Variants in THSD7B observed in about 807,000 individuals in gnomAD.
THSD7B encodes the protein thrombospondin type-1 domain-containing protein 7B.
THSD7B carries 138 observed loss-of-function variants against 213.6 expected under a neutral mutation model. The ratio of observed to expected loss-of-function variants is 0.65; its 90% CI spans 0.56 to 0.74. THSD7B has a LOEUF of 0.74. Ranked by LOEUF, THSD7B falls within the 30% of genes least tolerant of loss-of-function variation. The pLI, the probability that THSD7B is intolerant of heterozygous loss-of-function variation, is 0.00. For missense variants in THSD7B, 1,931 were observed against 1,991.5 expected (o/e 0.97, Z 0.58); for synonymous variants, 742 against 687.0 (o/e 1.08, Z -1.25).
At chr2:137,504,961 C>G (rs1679801127) in intron 15 of THSD7B, among the ~76,000 whole-genome samples, 1 of 148,058 alleles carries the variant, frequency 6.8e-6, no homozygotes. Context: ...CTGAAGGAGA[C>G]AAGGAAGGGA....
At chr2:136,766,345 C>A (rs1681390848) in intron 1 of THSD7B, among the ~76,000 whole-genome samples, 2 of 151,876 alleles carry the variant, frequency 1.3e-5, no homozygotes, top group Non-Finnish European at 2.9e-5. Flanking sequence ...GCAAGCTGGG[C>A]TCGGACGTGA....
At chr2:137,176,510 C>T (rs1680359789) in intron 7 of THSD7B, among the ~76,000 whole-genome samples, 1 of 152,150 alleles carries the variant, frequency 6.6e-6, no homozygotes, top group Non-Finnish European at 1.5e-5. Flanking sequence ...CATGGACATG[C>T]ATTTGTATTA....
At chr2:137,283,537 G>C (rs143193417) in intron 12 of THSD7B, among the ~76,000 whole-genome samples, 15,588 of 152,184 alleles carry the variant, frequency 0.1, 1,304 homozygotes, top group East Asian at 0.43. Flanking sequence ...CTGTGGGTTT[G>C]TCATAGATAG....
chr2:136,840,025 AATAG>A (rs1403250859), intron 1 of THSD7B, among the ~76,000 whole-genome samples: 1 of 152,160 alleles, frequency 6.6e-6, no homozygotes, highest in Non-Finnish European at 1.5e-5. Context: ...TAGTAAAGGA[AATAG>A]ATAGAAAAAT....
At chr2:137,029,298 C>T (rs1390753851) in intron 2 of THSD7B, among the ~76,000 whole-genome samples, 10 of 151,930 alleles carry the variant, frequency 6.6e-5, no homozygotes, top group Admixed American at 5.2e-4. Context: ...AGGCTGGTCT[C>T]GAACTCCTGA....
At position 137,095,092 on chromosome 2, in the gene THSD7B, T is replaced by C. The variant is rs750209869; in HGVS notation, c.1170T>C (p.Val390=). 4.3e-6 allele frequency: 7 copies of C among 1,613,874 alleles called. No homozygotes were observed. In the East Asian group the frequency reaches 1.6e-4, roughly 36 times the overall value. Reference sequence around the variant, plus strand: ...TTCTTGAGAAAGAGGCCTGCATTGTTGAAGGAGAACTTCTGCAGCAATGTC... The same window carrying C: ...TTCTTGAGAAAGAGGCCTGCATTGTCGAAGGAGAACTTCTGCAGCAATGTC... ...PELLEKEACI[V]EGELLQQCPR... Residue 390 remains valine, a synonymous_variant, in exon 4 of 28, where the codon GTT becomes GTC. Coordinates refer to ENST00000409968, the MANE Select transcript of THSD7B (RefSeq NM_001316349.2).
chr2:137,360,322 G>T (rs932073139), intron 12 of THSD7B, among the ~76,000 whole-genome samples: 10 of 152,080 alleles, frequency 6.6e-5, no homozygotes, highest in African/African-American at 2.4e-4. Context: ...GGGGATTTCT[G>T]CATTTCCAAC....
intron 15 of THSD7B, among the ~76,000 whole-genome samples, chr2:137,504,840 T>C (rs1194138379): frequency 6.6e-6 from 1 of 152,106 alleles, no homozygotes; most frequent in Non-Finnish European, 1.5e-5. Flanking sequence ...GGCTGTCCAA[T>C]AGGCAGACTC....
At chr2:137,634,894 G>A (rs1682805556) in intron 20 of THSD7B, among the ~76,000 whole-genome samples, 2 of 152,242 alleles carry the variant, frequency 1.3e-5, no homozygotes, top group Non-Finnish European at 2.9e-5. Flanking sequence ...CTTTAAACCT[G>A]TATGCAGGCA....
Position 137,663,448 on chromosome 2 carries a change from C to T in THSD7B, c.4524C>T (p.Tyr1508=). The T allele has an allele frequency of 6.3e-7, 1 of 1,595,856 alleles. No homozygotes were observed. The highest frequency in any genetic ancestry group is 8.5e-7 in the Non-Finnish European group (1 of 1,170,120). The part of the protein sequence containing the change: ...EIMKSNGFLD[Y]CMKVPGSEDK... ...TGAAATCAAATGGTTTCCTGGATTA[C>T]TGCATGAAAGTACCAGGCTCAGAGG... Residue 1508 remains tyrosine, a synonymous_variant, in exon 26 of 28, where the codon TAC becomes TAT. Transcript: ENST00000409968.
intron 17 of THSD7B, among the ~76,000 whole-genome samples, chr2:137,573,962 T>C (rs1186155718): frequency 2.0e-5 from 3 of 152,156 alleles, no homozygotes; most frequent in African/African-American, 7.2e-5. Context: ...GCTGTTTTAG[T>C]TATCTGTGTG....
intron 12 of THSD7B, among the ~76,000 whole-genome samples, chr2:137,316,308 C>T (rs1362569993): frequency 6.6e-6 from 1 of 152,170 alleles, no homozygotes; most frequent in Non-Finnish European, 1.5e-5. Context: ...TGCCACAGTC[C>T]TCATTTTGTG....
chr2:136,967,124 A>G (rs900687602), intron 2 of THSD7B, among the ~76,000 whole-genome samples: 4 of 152,176 alleles, frequency 2.6e-5, no homozygotes, highest in Admixed American at 2.0e-4. Context: ...GGTGGGAGGT[A>G]CTGAAAAAAG....
chr2:137,486,523 G>T (rs1349413140), intron 15 of THSD7B, among the ~76,000 whole-genome samples: 1 of 150,616 alleles, frequency 6.6e-6, no homozygotes, highest in Non-Finnish European at 1.5e-5. Flanking sequence ...AAGAGACTTA[G>T]ACTCCCACAC....
intron 1 of THSD7B, among the ~76,000 whole-genome samples, chr2:136,779,262 C>T (rs1471886591): frequency 1.4e-5 from 2 of 143,756 alleles, no homozygotes; most frequent in South Asian, 2.2e-4. Flanking sequence ...AATGTCAAGT[C>T]CTTGATCAGG....
chr2:136,880,872 A>AT (rs1175239949), intron 1 of THSD7B, among the ~76,000 whole-genome samples: 1 of 152,106 alleles, frequency 6.6e-6, no homozygotes, highest in Non-Finnish European at 1.5e-5. Flanking sequence ...TTTAAAAATC[A>AT]TTTGCTCTTC....
intron 2 of THSD7B, among the ~76,000 whole-genome samples, chr2:137,045,440 C>T (rs1197881785): frequency 6.6e-6 from 1 of 152,190 alleles, no homozygotes; most frequent in Non-Finnish European, 1.5e-5. Context: ...AAAGGATTCA[C>T]ATCCCCAGGC....
intron 7 of THSD7B, among the ~76,000 whole-genome samples, chr2:137,207,838 G>T (rs1681018024): frequency 1.3e-5 from 2 of 152,044 alleles, no homozygotes; most frequent in Admixed American, 6.6e-5. Flanking sequence ...ATTGATCACT[G>T]TCTGATTTGT....
intron 12 of THSD7B, among the ~76,000 whole-genome samples, chr2:137,296,985 T>C (rs1683481183): frequency 6.6e-6 from 1 of 152,074 alleles, no homozygotes; most frequent in Non-Finnish European, 1.5e-5. Context: ...TTTATTGCTT[T>C]GCCTTTTCTA....
Sources: allele counts gnomAD v4.1 joint callset (sites outside exome capture counted in the v4.1 genomes callset), GRCh38; gene constraint gnomAD v4.1.1; transcripts MANE v1.5; gene names NCBI Gene and HGNC (gene_info 2026-07-23, HGNC 2026-07-21).